RABEP1: variants seen among roughly 807,000 people sequenced by gnomAD.
RABEP1 encodes the protein rabaptin, RAB GTPase binding effector protein 1.
A neutral mutation model predicts 123.4 loss-of-function variants in RABEP1; 51 were observed. The observed-to-expected ratio is 0.41, with a 90% CI of 0.33 to 0.52. RABEP1 has a LOEUF of 0.52. RABEP1 is among the 20% of genes least tolerant of loss of function. The pLI is 0.16. For missense variants in RABEP1, 888 were observed against 996.3 expected (o/e 0.89, Z 1.46); for synonymous variants, 347 against 355.2 (o/e 0.98, Z 0.26).
At chr17:5,335,411 TGTAATAGAAA>T in intron 4 of RABEP1, 67 bp downstream of exon 4, 5 of 1,361,066 alleles carry the variant, frequency 3.7e-6, no homozygotes, top group Non-Finnish European at 5.1e-6. Flanking sequence ...AATATTGTTG[TGTAATAGAAA>T]GTAATAGAAG....
At chr17:5,329,903 C>A (rs1906367823) in intron 2 of RABEP1, among the ~76,000 whole-genome samples, 1 of 150,448 alleles carries the variant, frequency 6.6e-6, no homozygotes, top group African/African-American at 2.5e-5. Context: ...TTTTAAGTGC[C>A]AAAAATGGAT....
At chr17:5,381,314 AACTACAAGTT>A (rs1911432130) in intron 16 of RABEP1, 65 bp from the exon 17 acceptor site, 5 of 1,562,080 alleles carry the variant, frequency 3.2e-6, no homozygotes, top group Non-Finnish European at 4.3e-6. Flanking sequence ...AGTAGTAGGT[AACTACAAGTT>A]ACTGGATTTC....
At chr17:5,338,947 A>T (rs1907334117) in intron 5 of RABEP1, among the ~76,000 whole-genome samples, 1 of 152,126 alleles carries the variant, frequency 6.6e-6, no homozygotes, top group Non-Finnish European at 1.5e-5. Context: ...GCTTGTGCCC[A>T]GGAATTTGAG....
At chr17:5,330,261 C>A (rs1195854319) in intron 2 of RABEP1, among the ~76,000 whole-genome samples, 1 of 152,166 alleles carries the variant, frequency 6.6e-6, no homozygotes, top group Admixed American at 6.5e-5. Context: ...TAAGGGACTT[C>A]ACACAATTAC....
rs2074930565 is a variant in RABEP1, at chr17:5,282,291, TGAG to T, written c.-191_-189del. The stretch of plus-strand genomic sequence containing the variant: ...CACTGCTTATTTCCCGCTGTCAGGA[TGAG>T]GAGGCGGAGGTCGGCGGTCGGGTCC... On this transcript the variant is annotated 5_prime_UTR_variant, in exon 1 of 18. Transcript: ENST00000537505. 7.4e-6 allele frequency: 3 copies of T among 407,524 alleles called. No individual in the cohort carries two copies. Among genetic ancestry groups the T allele is most frequent in the South Asian group, 2.0e-4 (2 of 9,882 alleles). The allele number at this position is 407,524 out of a possible 1,614,324, so 25.2% of individuals were successfully genotyped here. A position where few individuals can be genotyped will look rare whatever the true frequency, so the allele number is the denominator to read the frequency against.
intron 1 of RABEP1, among the ~76,000 whole-genome samples, chr17:5,300,970 ATGGG>A (rs1186713136): frequency 2.0e-5 from 3 of 152,154 alleles, no homozygotes; most frequent in South Asian, 4.1e-4. Flanking sequence ...GAAGCCTGGG[ATGGG>A]GCCTGAGAAC....
chr17:5,308,736 C>A lies in RABEP1; in HGVS notation c.77C>A (p.Ala26Glu). ...GTAGCAGAATTGGAAAAAATTAATGCAGAATTTTTACGTGCACAACAGCAG... is the reference window on the plus strand; with the variant it reads ...GTAGCAGAATTGGAAAAAATTAATGAAGAATTTTTACGTGCACAACAGCAG... The part of the protein sequence containing the change: ...QRVAELEKIN[A>E]EFLRAQQQLE... Residue 26 changes from alanine (A) to glutamate (E), a missense_variant, in exon 2 of 18, where the codon GCA becomes GAA. Transcript: ENST00000537505. 1.2e-6 allele frequency: 2 copies of A among 1,612,232 alleles called. No homozygotes were observed. The highest frequency in any genetic ancestry group is 1.7e-6 in the Non-Finnish European group (2 of 1,179,164).
chr17:5,350,596 C>T lies in RABEP1; in HGVS notation c.930C>T (p.Leu310=). 6.2e-7 allele frequency: 1 copy of T among 1,613,840 alleles called. No homozygotes were observed. Among genetic ancestry groups the T allele is most frequent in the South Asian group, 1.1e-5 (1 of 90,982 alleles). ...AGATTGTGCTAACTTCAGAACAGCT[C>T]CGACAAGTTGAAGAACTGAAGAAGA... ...RMEIVLTSEQ[L]RQVEELKKKD... The change falls in exon 7 of 18, where the codon CTC becomes CTT. Residue 310 remains leucine (L), a synonymous_variant. Transcript: ENST00000537505.
chr17:5,323,752 A>ATT (rs1462488799), intron 2 of RABEP1, among the ~76,000 whole-genome samples: 2 of 124,984 alleles, frequency 1.6e-5, no homozygotes, highest in African/African-American at 6.1e-5. Context: ...ATATATATAT[A>ATT]TCTAGGAATA....
At chr17:5,336,200 G>A (rs1907067709) in intron 4 of RABEP1, among the ~76,000 whole-genome samples, 1 of 152,026 alleles carries the variant, frequency 6.6e-6, no homozygotes, top group Admixed American at 6.6e-5. Context: ...AATTGATCAT[G>A]CCTTTTTGGT....
At chr17:5,340,476 A>T (rs558872732) in intron 5 of RABEP1, among the ~76,000 whole-genome samples, 56 of 152,290 alleles carry the variant, frequency 3.7e-4, no homozygotes, top group Non-Finnish European at 4.4e-4. Flanking sequence ...TTATTTTTAG[A>T]TACATTATCT....
chr17:5,289,314 AG>A (rs1437486296), intron 1 of RABEP1, among the ~76,000 whole-genome samples: 3 of 151,496 alleles, frequency 2.0e-5, no homozygotes, highest in Non-Finnish European at 2.9e-5. Context: ...AAATTATATT[AG>A]CCCTTTGGTA....
chr17:5,307,604 A>G (rs2075191771), intron 1 of RABEP1, among the ~76,000 whole-genome samples: 1 of 152,172 alleles, frequency 6.6e-6, no homozygotes, highest in East Asian at 1.9e-4. Context: ...GATTATGGTC[A>G]TAGCTTTAAG....
chr17:5,314,710 G>T (rs956301205), intron 2 of RABEP1, among the ~76,000 whole-genome samples: 1 of 152,076 alleles, frequency 6.6e-6, no homozygotes, highest in African/African-American at 2.4e-5. Context: ...AGTAGAGACG[G>T]GGTTTCACCG....
intron 4 of RABEP1, among the ~76,000 whole-genome samples, chr17:5,337,428 G>A (rs2144614335): frequency 6.6e-6 from 1 of 152,276 alleles, no homozygotes; most frequent in African/African-American, 2.4e-5. Flanking sequence ...GCTCACGCCT[G>A]TAATCCCAGC....
intron 8 of RABEP1, among the ~76,000 whole-genome samples, chr17:5,355,668 T>G (rs575188315): frequency 1.3e-5 from 2 of 152,342 alleles, no homozygotes; most frequent in South Asian, 4.1e-4. Flanking sequence ...GTATCATGTT[T>G]CTATTTACTT....
intron 7 of RABEP1, among the ~76,000 whole-genome samples, chr17:5,351,862 G>GT (rs1447186181): frequency 6.6e-6 from 1 of 151,998 alleles, no homozygotes; most frequent in Admixed American, 6.6e-5. Context: ...TATCGACGTT[G>GT]TATTTTGTTC....
At position 5,386,299 on chromosome 17, in the gene RABEP1, GA is replaced by G. The variant is rs749725584; in HGVS notation, c.*3078del. 1.2e-5 allele frequency: 18 copies of G among 1,516,360 alleles called. No homozygotes were observed. The East Asian group carries it at 3.6e-4, about 31-fold the overall frequency. 93.9% of individuals were successfully genotyped at this position (1,516,360 alleles called of 1,614,324 possible). ...AAAATTGTAAAGTCACTCACTTTTG[GA>G]ATTATAATAAACCATTTATATGGAT... On this transcript the variant is annotated 3_prime_UTR_variant, in exon 18 of 18. Coordinates refer to ENST00000537505, the MANE Select transcript of RABEP1 (RefSeq NM_004703.6).
intron 2 of RABEP1, among the ~76,000 whole-genome samples, chr17:5,317,824 C>T (rs1310545774): frequency 6.6e-6 from 1 of 152,114 alleles, no homozygotes; most frequent in African/African-American, 2.4e-5. Flanking sequence ...ACCCTACCTC[C>T]CAACCTCCAG....
Sources: gnomAD v4.1 joint callset for allele counts (sites outside exome capture counted in the v4.1 genomes callset) on GRCh38, gnomAD v4.1.1 for gene constraint, MANE v1.5 for transcripts, NCBI Gene and HGNC (gene_info 2026-07-23, HGNC 2026-07-21) for gene names.